Variants in EFHC2 observed in about 807,000 individuals in gnomAD.
EFHC2 encodes the protein EF-hand domain-containing family member C2.
Under a neutral mutation model 52.7 loss-of-function variants are expected in EFHC2, and 18 were observed. The observed-to-expected ratio is 0.34, with a 90% CI of 0.24 to 0.51. The LOEUF is 0.51. Among genes scored for constraint, EFHC2 ranks in the 20% least tolerant of loss-of-function variants. The pLI, the probability that EFHC2 is intolerant of heterozygous loss-of-function variation, is 0.97. For synonymous variants in EFHC2, 203 were observed against 204.1 expected (o/e 0.99, Z 0.04); for missense variants, 513 against 562.5 (o/e 0.91, Z 0.89).
intron 9 of EFHC2, among the ~76,000 whole-genome samples, chrX:44,233,479 G>A (rs1332478977): frequency 9.0e-6 from 1 of 111,383 alleles, no homozygotes; most frequent in Non-Finnish European, 1.9e-5. Context: ...AGCCAGTAGA[G>A]TTGAACAGGG....
chrX:44,187,448 C>T lies in EFHC2; in HGVS notation c.1752-8884G>A, dbSNP rs568110603. 2.8e-4 allele frequency among the ~76,000 whole-genome samples: 31 copies of T among 110,504 alleles called. No individual in the cohort carries two copies. In the South Asian group the frequency reaches 0.012, roughly 43 times the overall value. The stretch of plus-strand genomic sequence containing the variant: ...ACCATACTTCTGTTACTAGATATTA[C>T]ACATTTTTTTTCCAAATTTTTATAT... On this transcript the variant is annotated intron_variant, in intron 11 of 14. Transcript: ENST00000420999.
intron 4 of EFHC2, among the ~76,000 whole-genome samples, chrX:44,260,820 G>T (rs748124416): frequency 8.9e-6 from 1 of 112,119 alleles, no homozygotes; most frequent in Non-Finnish European, 1.9e-5. Flanking sequence ...TCTCACCTGT[G>T]CAGTTCACTG....
chrX:44,211,483 G>A (rs984499200), intron 11 of EFHC2, among the ~76,000 whole-genome samples: 2 of 111,162 alleles, frequency 1.8e-5, no homozygotes, highest in Admixed American at 9.5e-5. Flanking sequence ...AGCTGAGATC[G>A]CACCATTGCA....
intron 1 of EFHC2, among the ~76,000 whole-genome samples, chrX:44,334,327 T>C (rs745755785): frequency 8.9e-6 from 1 of 112,386 alleles, no homozygotes; most frequent in African/African-American, 3.2e-5. Flanking sequence ...TGAAATAATG[T>C]AATTTCAAGG....
At chrX:44,235,266 A>T in intron 9 of EFHC2, 39 bp downstream of exon 9, 1 of 1,073,471 alleles carries the variant, frequency 9.3e-7, no homozygotes, top group Non-Finnish European at 1.2e-6. Flanking sequence ...GACACTTAAA[A>T]TGTTCTCAAG....
chrX:44,192,449 AAG>A (rs780657059), intron 11 of EFHC2, among the ~76,000 whole-genome samples: 1 of 111,682 alleles, frequency 9.0e-6, no homozygotes, highest in Non-Finnish European at 1.9e-5. Context: ...TGATTCTTAT[AAG>A]AGTCTTCTAT....
At chrX:44,336,390 A>C (rs1199624360) in intron 1 of EFHC2, among the ~76,000 whole-genome samples, 5 of 110,354 alleles carry the variant, frequency 4.5e-5, no homozygotes, top group African/African-American at 9.9e-5. Flanking sequence ...GTCTCAAAAA[A>C]AAAAAAGAGA....
At chrX:44,260,100 G>A (rs1034277798) in intron 4 of EFHC2, among the ~76,000 whole-genome samples, 4 of 111,618 alleles carry the variant, frequency 3.6e-5, no homozygotes, top group African/African-American at 1.3e-4. Flanking sequence ...ATAGAAATGA[G>A]AACAGCAGTT....
intron 13 of EFHC2, among the ~76,000 whole-genome samples, chrX:44,174,651 A>G (rs866769059): frequency 1.2e-3 from 66 of 56,847 alleles, no homozygotes; most frequent in African/African-American, 1.7e-3. Flanking sequence ...CAAAAAAAAA[A>G]GGGGGGGGGA....
chrX:44,274,767 T>G lies in EFHC2; in HGVS notation c.232-1931A>C, dbSNP rs764698066. 4.5e-5 allele frequency among the ~76,000 whole-genome samples: 5 copies of G among 110,313 alleles called. No individual in the cohort carries two copies. The South Asian group carries it at 2.0e-3, about 43-fold the overall frequency. On this transcript the variant is annotated intron_variant, in intron 2 of 14. Transcript: ENST00000420999. The stretch of plus-strand genomic sequence containing the variant: ...ATTAGTCGGGCTTGGTTACGTGTAC[T>G]TGTAGTCTCAGCTACTAGGGAGGCT...
Position 44,331,303 on chromosome X carries a change from A to G in EFHC2, c.42+12244T>C, listed in dbSNP as rs763117662. ...AGGTACATACTTTATGACTCCATTTATGTAACATTTTGAAATAGCAAAATT... is the reference window on the plus strand; with the variant it reads ...AGGTACATACTTTATGACTCCATTTGTGTAACATTTTGAAATAGCAAAATT... On this transcript the variant is annotated intron_variant, in intron 1 of 14. Transcript: ENST00000420999. 2.7e-5 allele frequency among the ~76,000 whole-genome samples: 3 copies of G among 112,501 alleles called. No homozygotes were observed. The East Asian group carries it at 8.3e-4, about 31-fold the overall frequency.
At chrX:44,277,030 C>A (rs755224620) in intron 2 of EFHC2, among the ~76,000 whole-genome samples, 2 of 110,817 alleles carry the variant, frequency 1.8e-5, no homozygotes, top group Non-Finnish European at 1.9e-5. Context: ...GAGGCCGAGG[C>A]GGGCGGATCA....
intron 11 of EFHC2, among the ~76,000 whole-genome samples, chrX:44,201,402 GAATT>G (rs761370773): frequency 4.6e-4 from 51 of 110,576 alleles, no homozygotes; most frequent in Non-Finnish European, 7.2e-4. Context: ...ACAAATTGAT[GAATT>G]AATGAAATAG....
chrX:44,284,419 G>C (rs917569369), intron 2 of EFHC2: 6 of 111,862 alleles, frequency 5.4e-5, no homozygotes, highest in African/African-American at 2.0e-4. Flanking sequence ...ACAAGTTCCA[G>C]AGCAGGAAGG....
chrX:44,162,297 C>A (rs904623786), intron 14 of EFHC2, among the ~76,000 whole-genome samples: 2 of 111,422 alleles, frequency 1.8e-5, no homozygotes, highest in African/African-American at 6.5e-5. Context: ...GTGGCACACA[C>A]CTGTAATCCC....
At chrX:44,204,811 G>A (rs1343054683) in intron 11 of EFHC2, among the ~76,000 whole-genome samples, 1 of 111,988 alleles carries the variant, frequency 8.9e-6, no homozygotes, top group Non-Finnish European at 1.9e-5. Context: ...AAACATTTGA[G>A]GCTATAATTC....
chrX:44,338,959 G>A (rs765554822), intron 1 of EFHC2, among the ~76,000 whole-genome samples: 1 of 111,332 alleles, frequency 9.0e-6, no homozygotes, highest in South Asian at 3.7e-4. Flanking sequence ...GGGAGGCTGA[G>A]GCGGGTGGAT....
chrX:44,218,708 A>C (rs923568662), intron 11 of EFHC2, among the ~76,000 whole-genome samples: 1 of 112,366 alleles, frequency 8.9e-6, no homozygotes, highest in East Asian at 2.8e-4. Flanking sequence ...AGAAAGCAAC[A>C]ACCATAAAAG....
At chrX:44,239,312 G>A (rs1223421219) in intron 8 of EFHC2, among the ~76,000 whole-genome samples, 1 of 111,795 alleles carries the variant, frequency 8.9e-6, no homozygotes, top group Non-Finnish European at 1.9e-5. Context: ...ATTAAGAACT[G>A]GATGAGTGAA....
Sources: gnomAD v4.1 joint callset for allele counts (sites outside exome capture counted in the v4.1 genomes callset) on GRCh38, gnomAD v4.1.1 for gene constraint, MANE v1.5 for transcripts, NCBI Gene and HGNC (gene_info 2026-07-23, HGNC 2026-07-21) for gene names.